Variants in ZNF350 observed in about 807,000 individuals in gnomAD.
ZNF350 encodes KRAB zinc finger protein ZFQR.
Under a neutral mutation model 13.1 loss-of-function variants are expected in ZNF350, and 5 were observed. The ratio of observed to expected loss-of-function variants is 0.38; its 90% CI spans 0.20 to 0.80. The LOEUF (loss-of-function observed/expected upper bound fraction) is 0.80, where lower values mean the gene tolerates loss of function less well. Among genes scored for constraint, ZNF350 ranks in the 30% least tolerant of loss-of-function variants. ZNF350 has a pLI of 0.43. For synonymous variants in ZNF350, 199 were observed against 224.2 expected (o/e 0.89, Z 1.00); for missense variants, 534 against 644.2 (o/e 0.83, Z 1.85).
rs142306487 is a variant in ZNF350 at position 51,968,410 on chromosome 19, GT to G, written c.238+167del. On this transcript the variant is annotated intron_variant, in intron 4 of 4. Transcript: ENST00000243644. Reference sequence around the variant, plus strand: ...AGATAAAGAGTTTTTGTTTTGTTTTGTTTTTTTTTAACTCTAAATTCCTACA... The same window carrying G: ...AGATAAAGAGTTTTTGTTTTGTTTTGTTTTTTTTAACTCTAAATTCCTACA... 1,083 of 624,468 alleles carry G rather than the reference GT, an allele frequency of 1.7e-3. 12 individuals carry two copies. The highest frequency in any genetic ancestry group is 0.016 in the African/African-American group (872 of 53,638). The allele number at this position is 624,468 out of a possible 1,614,324, so 38.7% of individuals were successfully genotyped here.
chr19:51,985,931 C>T (rs1267752385), intron 1 of ZNF350, among the ~76,000 whole-genome samples: 1 of 152,028 alleles, frequency 6.6e-6, no homozygotes, highest in Non-Finnish European at 1.5e-5. Context: ...CGCTTGAACC[C>T]GGGAGGCGGA....
intron 2 of ZNF350, among the ~76,000 whole-genome samples, chr19:51,969,615 C>T (rs12461777): frequency 0.21 from 32,592 of 151,614 alleles, 3,888 homozygotes; most frequent in African/African-American, 0.31. Context: ...GAGGGTCACT[C>T]GAGCCCAGGA....
intron 1 of ZNF350, among the ~76,000 whole-genome samples, chr19:51,985,833 C>G (rs1291509549): frequency 6.6e-6 from 1 of 151,952 alleles, no homozygotes; most frequent in Non-Finnish European, 1.5e-5. Flanking sequence ...GTGGTAAAAC[C>G]CTGTCTCTAC....
rs909428566 is a variant in ZNF350 at position 51,974,562 on chromosome 19, T to A, written c.-171-31A>T. On this transcript the variant is annotated intron_variant, in intron 1 of 4. Coordinates refer to ENST00000243644, the MANE Select transcript of ZNF350 (RefSeq NM_021632.4). ...GGTTGAAGAGCAAATTCAATGTAAG[T>A]GGTACATTTTTTCCAGGCCCAGATA... 5.1e-6 allele frequency: 3 copies of A among 593,846 alleles called. No homozygotes were observed. In the African/African-American group the frequency reaches 5.5e-5, roughly 11 times the overall value. The allele number at this position is 593,846 out of a possible 1,614,324, so 36.8% of individuals were successfully genotyped here.
At chr19:51,985,962 G>A (rs540384393) in intron 1 of ZNF350, among the ~76,000 whole-genome samples, 3 of 152,242 alleles carry the variant, frequency 2.0e-5, no homozygotes, top group Middle Eastern at 6.8e-3. Context: ...AGCCGAGATC[G>A]CGCCATTGCA....
chr19:51,985,399 C>T (rs2086140562), intron 1 of ZNF350, among the ~76,000 whole-genome samples: 1 of 152,032 alleles, frequency 6.6e-6, no homozygotes, highest in Admixed American at 6.6e-5. Flanking sequence ...TATTTTCAGG[C>T]GATATCATCA....
In ZNF350 at chr19:51,986,829, T is replaced by A. The variant is rs2086167768; in HGVS notation, c.-231A>T. The A allele has an allele frequency of 6.6e-6, 1 of 152,234 alleles. No individual in the cohort carries two copies. The highest frequency in any genetic ancestry group is 2.1e-4 in the South Asian group (1 of 4,836). The allele number at this position is 152,234 out of a possible 1,614,324, so 9.4% of individuals were successfully genotyped here. A position where few individuals can be genotyped will look rare whatever the true frequency, so the allele number is the denominator to read the frequency against. On this transcript the variant is annotated 5_prime_UTR_variant, in exon 1 of 5. Transcript: ENST00000243644. ...ACGTTACACTTCCGTAAACTGCTCC[T>A]ACTTCTGGAGTCCTCGCACGGGTTT...
Position 51,965,867 on chromosome 19 carries a change from G to A in ZNF350, c.586C>T (p.His196Tyr). 1.2e-6 allele frequency: 2 copies of A among 1,614,134 alleles called. No homozygotes were observed. Reference sequence around the variant, plus strand: ...TTCTCTAATTTTCGTGTTTTCTGATGCTTGGGACTGATGAATTGGGACTTA... The same window carrying A: ...TTCTCTAATTTTCGTGTTTTCTGATACTTGGGACTGATGAATTGGGACTTA... ...STKSQFISPK[H>Y]QKTRKLEKHH... Residue 196 changes from histidine (H) to tyrosine (Y), a missense_variant, in exon 5 of 5, where the codon CAT becomes TAT. Coordinates refer to ENST00000243644, the MANE Select transcript of ZNF350 (RefSeq NM_021632.4).
intron 2 of ZNF350, among the ~76,000 whole-genome samples, 166 bp from the exon 3 acceptor site, chr19:51,969,297 C>T (rs191643146): frequency 2.6e-5 from 4 of 151,848 alleles, no homozygotes; most frequent in Non-Finnish European, 5.9e-5. Flanking sequence ...TATTCTGTAA[C>T]TGTATATTCA....
In ZNF350 at chr19:51,969,140, A is replaced by G. The variant is rs757350384; in HGVS notation, c.16-9T>C. ...TCCAGTGTTATGGATTCCTGTAATA[A>G]CAGTCCTGTTTAATAAAGTGATGTC... On this transcript the variant is annotated splice_polypyrimidine_tract_variant and intron_variant, in intron 2 of 4. Coordinates refer to ENST00000243644, the MANE Select transcript of ZNF350 (RefSeq NM_021632.4). 4 of 1,612,628 alleles carry G rather than the reference A, an allele frequency of 2.5e-6. No homozygotes were observed. In the African/African-American group the frequency reaches 5.3e-5, roughly 22 times the overall value.
chr19:51,969,223 T>C, intron 2 of ZNF350, 92 bp from the exon 3 acceptor site: 1 of 1,474,034 alleles, frequency 6.8e-7, no homozygotes, highest in Non-Finnish European at 9.2e-7. Flanking sequence ...CTCTACAGGC[T>C]GTGTGCATAT....
At chr19:51,967,115 C>G (rs1401304655) in intron 4 of ZNF350, among the ~76,000 whole-genome samples, 10 of 152,150 alleles carry the variant, frequency 6.6e-5, no homozygotes, top group Admixed American at 6.5e-4. Flanking sequence ...AAGGTTAGAT[C>G]ACTAATAATA....
At chr19:51,970,128 C>G (rs1483189384) in intron 2 of ZNF350, among the ~76,000 whole-genome samples, 2 of 146,212 alleles carry the variant, frequency 1.4e-5, no homozygotes, top group African/African-American at 5.1e-5. Context: ...ATGGTACAAT[C>G]TTGGCTCACT....
intron 1 of ZNF350, among the ~76,000 whole-genome samples, chr19:51,979,080 A>G (rs1277400731): frequency 3.3e-5 from 5 of 152,102 alleles, no homozygotes; most frequent in African/African-American, 1.2e-4. Context: ...TGTACGAGCT[A>G]TGAGTCAGCT....
At chr19:51,970,991 TGAAGACC>T (rs1462313080) in intron 2 of ZNF350, among the ~76,000 whole-genome samples, 8 of 152,208 alleles carry the variant, frequency 5.3e-5, no homozygotes, top group Admixed American at 2.0e-4. Context: ...AGCCCAACCT[TGAAGACC>T]ATTTAGGACT....
chr19:51,966,547 T>TTTTTG (rs1167330476), intron 4 of ZNF350, among the ~76,000 whole-genome samples: 1 of 151,016 alleles, frequency 6.6e-6, no homozygotes, highest in Non-Finnish European at 1.5e-5. Context: ...GCCAAAGTAT[T>TTTTTG]TTTTGTTTTG....
chr19:51,981,987 G>A (rs1181622689), intron 1 of ZNF350: 1 of 152,052 alleles, frequency 6.6e-6, no homozygotes, highest in African/African-American at 2.4e-5. Flanking sequence ...ATCAGGTCTA[G>A]AGAGGCATTA....
At chr19:51,985,961 C>A (rs2086150366) in intron 1 of ZNF350, among the ~76,000 whole-genome samples, 2 of 152,030 alleles carry the variant, frequency 1.3e-5, no homozygotes, top group Admixed American at 1.3e-4. Flanking sequence ...GAGCCGAGAT[C>A]GCGCCATTGC....
chr19:51,973,708 A>C lies in ZNF350; in HGVS notation c.15+638T>G, dbSNP rs2085808855. ...CTATCTGTTCATTGAGAACCATTTG[A>C]AAGTCCTGGAATCCTGCCATATTCC... On this transcript the variant is annotated intron_variant, in intron 2 of 4. Coordinates refer to ENST00000243644, the MANE Select transcript of ZNF350 (RefSeq NM_021632.4). 3 of 152,260 alleles carry C rather than the reference A, an allele frequency of 2.0e-5. No individual in the cohort carries two copies. In the South Asian group the frequency reaches 6.2e-4, roughly 32 times the overall value. 9.4% of individuals were successfully genotyped at this position (152,260 alleles called of 1,614,324 possible). A position where few individuals can be genotyped will look rare whatever the true frequency, so the allele number is the denominator to read the frequency against.
Sources: gnomAD v4.1 joint callset for allele counts (sites outside exome capture counted in the v4.1 genomes callset) on GRCh38, gnomAD v4.1.1 for gene constraint, MANE v1.5 for transcripts, NCBI Gene and HGNC (gene_info 2026-07-23, HGNC 2026-07-21) for gene names.